ASXL1: variants seen among roughly 807,000 people sequenced by gnomAD.
The protein encoded by ASXL1 is polycomb group protein ASXL1.
ASXL1 carries 65 observed loss-of-function variants against 89.1 expected under a neutral mutation model. The ratio of observed to expected loss-of-function variants is 0.73; its 90% CI spans 0.60 to 0.90. The LOEUF (loss-of-function observed/expected upper bound fraction) is 0.90. ASXL1 is among the 40% of genes least tolerant of loss of function. The probability of loss-of-function intolerance (pLI) is 0.00; values close to 1 mark genes in which losing one functional copy is unlikely to be tolerated. For missense variants in ASXL1, 1,786 were observed against 1,942.9 expected (o/e 0.92, Z 1.52); for synonymous variants, 739 against 746.9 (o/e 0.99, Z 0.17).
At chr20:32,376,225 ATTTTATTTTAT>A (rs1344584370) in intron 4 of ASXL1, among the ~76,000 whole-genome samples, 13 of 151,846 alleles carry the variant, frequency 8.6e-5, no homozygotes, top group Admixed American at 3.3e-4. Context: ...GACACCAGTT[ATTTTATTTTAT>A]TTTTATTTTA....
intron 4 of ASXL1, among the ~76,000 whole-genome samples, chr20:32,398,075 T>C (rs189083256): frequency 2.0e-5 from 3 of 152,348 alleles, no homozygotes; most frequent in Admixed American, 6.5e-5. Context: ...TATAAAGTTA[T>C]TGTTATGTAT....
chr20:32,424,029 A>T (rs1055603081), intron 4 of ASXL1, among the ~76,000 whole-genome samples: 1 of 152,222 alleles, frequency 6.6e-6, no homozygotes, highest in Non-Finnish European at 1.5e-5. Context: ...ACCAGGCCCT[A>T]TTCCTGTTTG....
intron 1 of ASXL1, 172 bp downstream of exon 1, chr20:32,359,004 C>A: frequency 1.4e-6 from 1 of 717,916 alleles, no homozygotes; most frequent in Non-Finnish European, 2.2e-6. Flanking sequence ...GAGCGCTCCG[C>A]CGGGATGGGA....
In ASXL1 at chr20:32,429,620, T is replaced by C. The variant is rs1335368193; in HGVS notation, c.565+189T>C. 3 of 738,922 alleles carry C rather than the reference T, an allele frequency of 4.1e-6. No individual in the cohort carries two copies. The African/African-American group carries it at 5.3e-5, about 13-fold the overall frequency. The allele number at this position is 738,922 out of a possible 1,614,324, so 45.8% of individuals were successfully genotyped here. The stretch of plus-strand genomic sequence containing the variant: ...GCTCTGCTGTGTGCCTTCCTCTTTG[T>C]CTCCCAGGGCAGTCGTGAGGATCCA... On this transcript the variant is annotated intron_variant, in intron 7 of 12. Transcript: ENST00000375687. The surrounding 1 kb of genome is among the most constrained non-coding windows in gnomAD (Gnocchi z 4.9).
rs750146260 is a variant in ASXL1 at position 32,434,732 on chromosome 20, C to T, written c.2020C>T (p.His674Tyr). 2 of 1,612,432 alleles carry T rather than the reference C, an allele frequency of 1.2e-6. No individual in the cohort carries two copies. Among genetic ancestry groups the T allele is most frequent in the African/African-American group, 1.3e-5 (1 of 74,994 alleles). Reference protein sequence around the residue: ...SSGDGGEACGHPEPRGGPSTP... With the variant: ...SSGDGGEACGYPEPRGGPSTP... Reference sequence around the variant, plus strand: ...TGGTGATGGTGGTGAGGCCTGTGGCCACCCTGAGCCCAGGGGAGGCCCGAG... The same window carrying T: ...TGGTGATGGTGGTGAGGCCTGTGGCTACCCTGAGCCCAGGGGAGGCCCGAG... The change falls in exon 13 of 13, where the codon CAC (histidine) becomes TAC (tyrosine). Residue 674 changes from histidine (H) to tyrosine (Y), a missense_variant. This residue lies in a region of ASXL1 where 1,418 missense variants were observed against 1,427.8 expected (regional missense o/e 0.99). Coordinates refer to ENST00000375687, the MANE Select transcript of ASXL1 (RefSeq NM_015338.6).
At chr20:32,379,762 GT>G (rs2048455058) in intron 4 of ASXL1, among the ~76,000 whole-genome samples, 1 of 150,278 alleles carries the variant, frequency 6.7e-6, no homozygotes, top group Non-Finnish European at 1.5e-5. Flanking sequence ...GGAGGCAGAG[GT>G]TGCAGTGAGC....
intron 4 of ASXL1, among the ~76,000 whole-genome samples, chr20:32,416,607 G>A (rs1042476954): frequency 1.6e-4 from 24 of 152,248 alleles, no homozygotes; most frequent in African/African-American, 4.3e-4. Context: ...GAATATGTGC[G>A]TTTTTCACTG....
chr20:32,419,185 T>A (rs1189843928), intron 4 of ASXL1, among the ~76,000 whole-genome samples: 1 of 151,826 alleles, frequency 6.6e-6, no homozygotes, highest in East Asian at 1.9e-4. Flanking sequence ...GGTATAGCTC[T>A]CCATTTATTT....
At chr20:32,400,568 T>C (rs1270009217) in intron 4 of ASXL1, among the ~76,000 whole-genome samples, 3 of 152,134 alleles carry the variant, frequency 2.0e-5, no homozygotes, top group Non-Finnish European at 4.4e-5. Flanking sequence ...CATAATTCTT[T>C]TGGGTGTTGT....
At chr20:32,392,189 A>C (rs1056235968) in intron 4 of ASXL1, among the ~76,000 whole-genome samples, 7 of 151,826 alleles carry the variant, frequency 4.6e-5, no homozygotes, top group Non-Finnish European at 8.8e-5. Context: ...ATCATGGCTC[A>C]CTGAAGCCTC....
intron 4 of ASXL1, among the ~76,000 whole-genome samples, chr20:32,415,382 G>A (rs759767252): frequency 3.3e-5 from 5 of 152,110 alleles, no homozygotes; most frequent in Non-Finnish European, 7.3e-5. Context: ...CTTGAGCTGT[G>A]CCTCTAGTCT....
At chr20:32,410,392 T>C (rs1036733102) in intron 4 of ASXL1, among the ~76,000 whole-genome samples, 16 of 152,220 alleles carry the variant, frequency 1.1e-4, no homozygotes, top group African/African-American at 3.9e-4. Flanking sequence ...CCTCCTGCAC[T>C]GGTCTCCCAA....
At chr20:32,421,994 G>A (rs925010504) in intron 4 of ASXL1, among the ~76,000 whole-genome samples, 4 of 147,336 alleles carry the variant, frequency 2.7e-5, no homozygotes, top group Non-Finnish European at 4.5e-5. Flanking sequence ...TCAGCCTCCC[G>A]AGTAGCTGGG....
intron 4 of ASXL1, among the ~76,000 whole-genome samples, chr20:32,424,456 A>G (rs1179136340): frequency 6.6e-6 from 1 of 152,074 alleles, no homozygotes; most frequent in Non-Finnish European, 1.5e-5. Context: ...AATCGCTTGA[A>G]CCCAGGAGGA....
intron 4 of ASXL1, among the ~76,000 whole-genome samples, chr20:32,413,892 G>C (rs968339156): frequency 1.3e-5 from 2 of 152,184 alleles, no homozygotes; most frequent in African/African-American, 2.4e-5. Context: ...GCAGATTGAC[G>C]TAGAGTTGCT....
intron 4 of ASXL1, among the ~76,000 whole-genome samples, chr20:32,405,317 A>T (rs896805115): frequency 2.6e-5 from 4 of 151,968 alleles, no homozygotes; most frequent in African/African-American, 9.7e-5. Context: ...GGCTCAAGCG[A>T]TCCTCTTGCC....
intron 12 of ASXL1, 192 bp downstream of exon 12, chr20:32,434,109 T>C: frequency 1.2e-6 from 1 of 851,012 alleles, no homozygotes. Context: ...TTTTGTTCAC[T>C]CTGTTGAAGT....
intron 4 of ASXL1, chr20:32,371,951 A>G (rs891783230): frequency 2.8e-5 from 11 of 387,252 alleles, no homozygotes; most frequent in Admixed American, 7.5e-5. Context: ...ATATATAGTT[A>G]TAATTATTTA....
chr20:32,374,044 G>A (rs1167216117), intron 4 of ASXL1, among the ~76,000 whole-genome samples: 1 of 151,928 alleles, frequency 6.6e-6, no homozygotes, highest in African/African-American at 2.4e-5. Flanking sequence ...ACAGAGTCTC[G>A]CTTTGTCATC....
Sources: gnomAD v4.1 joint callset for allele counts (sites outside exome capture counted in the v4.1 genomes callset) on GRCh38, gnomAD v4.1.1 for gene constraint, gnomAD v4.1.1 regional missense constraint, Gnocchi (gnomAD v3.1) non-coding constraint, MANE v1.5 for transcripts, NCBI Gene and HGNC (gene_info 2026-07-23, HGNC 2026-07-21) for gene names.